SYNPR: variants seen among roughly 807,000 people sequenced by gnomAD.
The protein encoded by SYNPR is synaptoporin.
Under a neutral mutation model 32.9 loss-of-function variants are expected in SYNPR, and 23 were observed. The observed-to-expected ratio is 0.70, with a 90% CI of 0.50 to 0.99. The LOEUF (loss-of-function observed/expected upper bound fraction) is 0.99, where lower values mean the gene tolerates loss of function less well. SYNPR is among the 50% of genes least tolerant of loss of function. The probability of loss-of-function intolerance (pLI) is 0.00; values close to 1 mark genes in which losing one functional copy is unlikely to be tolerated. For missense variants in SYNPR, 318 were observed against 349.3 expected, an observed-to-expected ratio of 0.91 and a Z score of 0.71; for synonymous variants, 146 against 135.9, an observed-to-expected ratio of 1.07 and a Z score of -0.52.
chr3:63,351,014 C>T (rs1560201396), intron 2 of SYNPR, among the ~76,000 whole-genome samples: 1 of 152,184 alleles, frequency 6.6e-6, no homozygotes, highest in South Asian at 2.1e-4. Context: ...CTGTGTGCCC[C>T]TTATCAGACA....
rs1220029122 is a variant in SYNPR at position 63,591,723 on chromosome 3, G to A, written c.409-17402G>A. ...TCGCAAGAACAAAAAACCAAACACC[G>A]CATATTCTCACTCATAGGTGGGAAT... On this transcript the variant is annotated intron_variant, in intron 4 of 5. Transcript: ENST00000478300. 1.2e-4 allele frequency among the ~76,000 whole-genome samples: 16 copies of A among 128,192 alleles called. No homozygotes were observed. The East Asian group carries it at 2.5e-3, about 20-fold the overall frequency. The allele number at this position is 128,192 out of a possible 152,430, so 84.1% of individuals were successfully genotyped here.
intron 2 of SYNPR, among the ~76,000 whole-genome samples, chr3:63,432,038 G>A (rs548373599): frequency 6.6e-6 from 1 of 152,228 alleles, no homozygotes; most frequent in African/African-American, 2.4e-5. Context: ...GGAATTTGAT[G>A]CTTGCAGGAG....
chr3:63,363,718 G>A (rs1297447064), intron 2 of SYNPR, among the ~76,000 whole-genome samples: 1 of 152,030 alleles, frequency 6.6e-6, no homozygotes, highest in African/African-American at 2.4e-5. Flanking sequence ...AATTTATTTG[G>A]TTATTCATTG....
chr3:63,518,345 C>A, intron 3 of SYNPR, among the ~76,000 whole-genome samples: 1 of 152,028 alleles, frequency 6.6e-6, no homozygotes, highest in South Asian at 2.1e-4. Context: ...TTCTTGACTG[C>A]AAATATCCAG....
At chr3:63,395,753 T>G (rs2088204688) in intron 2 of SYNPR, among the ~76,000 whole-genome samples, 1 of 152,238 alleles carries the variant, frequency 6.6e-6, no homozygotes, top group African/African-American at 2.4e-5. Flanking sequence ...GTTAGCTATT[T>G]CAGTGTACGT....
intron 3 of SYNPR, among the ~76,000 whole-genome samples, chr3:63,551,169 AAT>A (rs1702493759): frequency 6.6e-6 from 1 of 152,228 alleles, no homozygotes; most frequent in Non-Finnish European, 1.5e-5. Context: ...GGAATCATAG[AAT>A]ATGTGGTCTT....
intron 2 of SYNPR, among the ~76,000 whole-genome samples, chr3:63,364,587 G>A (rs2107040440): frequency 6.6e-6 from 1 of 152,358 alleles, no homozygotes; most frequent in South Asian, 2.1e-4. Flanking sequence ...GATAGAGTCA[G>A]TGAATTCTTA....
At chr3:63,271,707 T>G (rs1353385900) in intron 3 of SYNPR, among the ~76,000 whole-genome samples, 1 of 152,044 alleles carries the variant, frequency 6.6e-6, no homozygotes, top group Non-Finnish European at 1.5e-5. Context: ...CATAAAAAAC[T>G]CTGCCAAAGC....
At chr3:63,356,936 G>A (rs901710307) in intron 2 of SYNPR, among the ~76,000 whole-genome samples, 1 of 152,198 alleles carries the variant, frequency 6.6e-6, no homozygotes, top group Non-Finnish European at 1.5e-5. Flanking sequence ...TATCCAGGCT[G>A]TAATCTTGCC....
At chr3:63,218,051 G>C in the SYNPR span, among the ~76,000 whole-genome samples, 1 of 152,062 alleles carries the variant, frequency 6.6e-6, no homozygotes, top group Non-Finnish European at 1.5e-5. Context: ...AAATTCTCAA[G>C]GGCAACGGGA....
intron 2 of SYNPR, among the ~76,000 whole-genome samples, chr3:63,384,317 T>A (rs867554991): frequency 6.6e-6 from 1 of 152,070 alleles, no homozygotes; most frequent in South Asian, 2.1e-4. Flanking sequence ...TTCTTAGAGG[T>A]TTTTTAGATA....
chr3:63,432,030 A>G (rs1415653189), intron 2 of SYNPR, among the ~76,000 whole-genome samples: 1 of 152,112 alleles, frequency 6.6e-6, no homozygotes, highest in Non-Finnish European at 1.5e-5. Flanking sequence ...AAAGGCAGGG[A>G]ATTTGATGCT....
chr3:63,264,278 A>G (rs568786875), intron 2 of SYNPR, among the ~76,000 whole-genome samples: 1 of 152,322 alleles, frequency 6.6e-6, no homozygotes, highest in East Asian at 1.9e-4. Context: ...AAAAAAGTGA[A>G]GAAGCTCAGT....
At chr3:63,283,493 T>C (rs1459815510) in intron 2 of SYNPR, among the ~76,000 whole-genome samples, 2 of 152,182 alleles carry the variant, frequency 1.3e-5, no homozygotes, top group East Asian at 3.9e-4. Context: ...TATTCCCTGA[T>C]GATAAAATAG....
intron 3 of SYNPR, among the ~76,000 whole-genome samples, chr3:63,540,444 A>C (rs563972424): frequency 3.9e-5 from 6 of 152,224 alleles, no homozygotes; most frequent in African/African-American, 1.4e-4. Flanking sequence ...AAGTTGGGGA[A>C]AATAATGAAT....
chr3:63,480,797 T>C (rs932980410), intron 2 of SYNPR, 35 bp from the exon 3 acceptor site: 2 of 1,609,314 alleles, frequency 1.2e-6, no homozygotes, highest in African/African-American at 1.3e-5. Flanking sequence ...ATCATCCTAA[T>C]AACTGCCTTC....
chr3:63,333,117 G>T (rs1159811530), intron 2 of SYNPR, among the ~76,000 whole-genome samples: 1 of 151,700 alleles, frequency 6.6e-6, no homozygotes, highest in Non-Finnish European at 1.5e-5. Flanking sequence ...TCAAAAACAG[G>T]TTTTTTTTCT....
At chr3:63,467,890 A>G (rs1044168976) in intron 2 of SYNPR, among the ~76,000 whole-genome samples, 3 of 152,076 alleles carry the variant, frequency 2.0e-5, no homozygotes, top group African/African-American at 7.2e-5. Flanking sequence ...TCAAACATCA[A>G]TTTTCAGGTT....
At chr3:63,336,587 T>G (rs2087299024) in intron 2 of SYNPR, among the ~76,000 whole-genome samples, 1 of 118,150 alleles carries the variant, frequency 8.5e-6, no homozygotes, top group Non-Finnish European at 1.7e-5. Flanking sequence ...GCTTACCCTT[T>G]TCACAAAATT....
Sources: gnomAD v4.1 joint callset for allele counts (sites outside exome capture counted in the v4.1 genomes callset) on GRCh38, gnomAD v4.1.1 for gene constraint, MANE v1.5 for transcripts, NCBI Gene and HGNC (gene_info 2026-07-23, HGNC 2026-07-21) for gene names.